The following TTC28 variants were observed in gnomAD, a reference collection of about 807,000 sequenced individuals.
TTC28 encodes the protein tetratricopeptide repeat protein 28.
In TTC28, 61 loss-of-function variants were observed where a neutral mutation model predicts 198.0. That is an observed-to-expected ratio of 0.31 (90% CI 0.25 to 0.38). The LOEUF (loss-of-function observed/expected upper bound fraction) is 0.38, where lower values mean the gene tolerates loss of function less well. Ranked by LOEUF, TTC28 falls within the 10% of genes least tolerant of loss-of-function variation. TTC28 has a pLI of 1.00. For missense variants in TTC28, 2,678 were observed against 3,164.0 expected, an observed-to-expected ratio of 0.85 and a Z score of 3.69; for synonymous variants, 1,171 against 1,297.8, an observed-to-expected ratio of 0.90 and a Z score of 2.10.
chr22:28,198,928 T>C lies in TTC28; in HGVS notation c.934-35329A>G, dbSNP rs1925631742. On this transcript the variant is annotated intron_variant, in intron 5 of 22. Transcript: ENST00000397906. ...TCACAGGCCACAAGTACCTGCAAAGTGGGGTGGGAAACAGTCTACTCATGA... is the reference window on the plus strand; with the variant it reads ...TCACAGGCCACAAGTACCTGCAAAGCGGGGTGGGAAACAGTCTACTCATGA... Among the ~76,000 whole-genome samples the C allele has an allele frequency of 2.0e-5, 3 of 152,010 alleles. No individual in the cohort carries two copies. The South Asian group carries it at 6.2e-4, about 32-fold the overall frequency.
intron 2 of TTC28, among the ~76,000 whole-genome samples, chr22:28,394,994 C>A (rs537572168): frequency 6.6e-6 from 1 of 152,222 alleles, no homozygotes; most frequent in South Asian, 2.1e-4. Context: ...ATTGTCTACA[C>A]AATGAATAAC....
intron 3 of TTC28, among the ~76,000 whole-genome samples, chr22:28,305,783 C>T (rs2045132723): frequency 6.6e-6 from 1 of 152,094 alleles, no homozygotes; most frequent in African/African-American, 2.4e-5. Flanking sequence ...CAAATCTTCC[C>T]AAGAATTCAT....
chr22:28,399,607 G>A (rs1460140988), intron 2 of TTC28, among the ~76,000 whole-genome samples: 1 of 152,074 alleles, frequency 6.6e-6, no homozygotes, highest in African/African-American at 2.4e-5. Flanking sequence ...GCCCAGCCTA[G>A]AAACTTGTAT....
intron 6 of TTC28, among the ~76,000 whole-genome samples, chr22:28,117,238 C>T (rs1019318222): frequency 7.2e-5 from 11 of 152,218 alleles, no homozygotes; most frequent in Non-Finnish European, 1.2e-4. Context: ...GGAGCTAAGG[C>T]AGGCTTAGAT....
At position 28,282,617 on chromosome 22, in the gene TTC28, C is replaced by T. The variant is rs1038521451; in HGVS notation, c.933+13581G>A. Reference sequence around the variant, plus strand: ...CTAACAATCATATAATCTGGTCTTCCTGTTTTACAGGTGATGAACTAGCAG... The same window carrying T: ...CTAACAATCATATAATCTGGTCTTCTTGTTTTACAGGTGATGAACTAGCAG... On this transcript the variant is annotated intron_variant, in intron 5 of 22. Coordinates refer to ENST00000397906, the MANE Select transcript of TTC28 (RefSeq NM_001145418.2). Among the ~76,000 whole-genome samples, 9 of 152,276 alleles carry T rather than the reference C, an allele frequency of 5.9e-5. No individual in the cohort carries two copies. The South Asian group carries it at 1.9e-3, about 32-fold the overall frequency.
At chr22:28,537,324 A>AAAATAAAATAAAATAAAATAAAATAAAAT (rs1569009223) in intron 2 of TTC28, among the ~76,000 whole-genome samples, 1 of 145,066 alleles carries the variant, frequency 6.9e-6, no homozygotes, top group Non-Finnish European at 1.6e-5. Context: ...AAAATAAAAT[A>AAAATAAAATAAAATAAAATAAAATAAAAT]AAATAAAATA....
At chr22:28,586,645 T>C (rs1035197798) in intron 2 of TTC28, among the ~76,000 whole-genome samples, 1 of 152,006 alleles carries the variant, frequency 6.6e-6, no homozygotes, top group Non-Finnish European at 1.5e-5. Context: ...GACTGATCTT[T>C]TGGCATAGTC....
intron 5 of TTC28, among the ~76,000 whole-genome samples, chr22:28,171,804 T>C (rs1226625405): frequency 1.3e-5 from 2 of 152,150 alleles, no homozygotes; most frequent in African/African-American, 4.8e-5. Context: ...GCTGCAGCAG[T>C]GTGCTTCTGG....
Position 27,998,787 on chromosome 22 carries a change from G to A in TTC28, c.4872C>T (p.Gly1624=). The part of the protein sequence containing the change: ...LQLPVKLVVL[G]SSQESNSKVT... ...CTTTGCTGTTGGACTCCTGGGAGGA[G>A]CCAAGCACCACCAGCTTCACAGGCA... The change falls in exon 16 of 23, where the codon GGC becomes GGT. Residue 1624 remains glycine (G), a synonymous_variant. Transcript: ENST00000397906. 1 of 1,550,648 alleles carries A rather than the reference G, an allele frequency of 6.4e-7. No homozygotes were observed. The highest frequency in any genetic ancestry group is 1.2e-5 in the South Asian group (1 of 84,068).
chr22:28,089,693 A>ACT (rs1941749519), intron 12 of TTC28, among the ~76,000 whole-genome samples: 1 of 150,002 alleles, frequency 6.7e-6, no homozygotes, highest in East Asian at 2.0e-4. Flanking sequence ...AATAAAATAA[A>ACT]AAATAAAAAA....
chr22:28,167,331 G>A (rs1333852054), intron 5 of TTC28, among the ~76,000 whole-genome samples: 2 of 152,234 alleles, frequency 1.3e-5, no homozygotes, highest in African/African-American at 4.8e-5. Context: ...TATGAGGCCA[G>A]CATTATCCTG....
intron 12 of TTC28, among the ~76,000 whole-genome samples, chr22:28,071,748 G>GAAAAAAAAAAAAAAAAGA (rs1940982521): frequency 7.7e-5 from 7 of 91,126 alleles, no homozygotes; most frequent in Non-Finnish European, 1.4e-4. Flanking sequence ...AAAAAAAAAG[G>GAAAAAAAAAAAAAAAAGA]AAAAAAAAAA....
chr22:28,323,135 T>TG (rs1394265200), intron 2 of TTC28, among the ~76,000 whole-genome samples: 1 of 152,192 alleles, frequency 6.6e-6, no homozygotes, highest in Admixed American at 6.5e-5. Context: ...CCTACCACGC[T>TG]GGGCAATCTC....
chr22:28,385,719 G>C (rs528647258), intron 2 of TTC28, among the ~76,000 whole-genome samples: 1 of 152,184 alleles, frequency 6.6e-6, no homozygotes, highest in South Asian at 2.1e-4. Context: ...TATAGGGAAT[G>C]AATCAAATTA....
intron 2 of TTC28, among the ~76,000 whole-genome samples, chr22:28,552,780 CCCCTCT>C (rs201313044): frequency 0.044 from 6,514 of 147,670 alleles, 204 homozygotes; most frequent in African/African-American, 0.084. Context: ...CCTCCCCCTC[CCCCTCT>C]CCCCACGGTC....
intron 12 of TTC28, among the ~76,000 whole-genome samples, chr22:28,085,976 A>G (rs570660153): frequency 6.6e-6 from 1 of 152,316 alleles, no homozygotes; most frequent in East Asian, 1.9e-4. Flanking sequence ...CCTAAAATAT[A>G]TATGCACCCA....
intron 2 of TTC28, among the ~76,000 whole-genome samples, chr22:28,567,479 C>CATATATATATAT (rs398040471): frequency 0.11 from 5,632 of 50,848 alleles, 781 homozygotes; most frequent in East Asian, 0.16. Flanking sequence ...TACATACATA[C>CATATATATATAT]ATATATATAT....
chr22:28,489,315 A>C (rs990615766), intron 2 of TTC28, among the ~76,000 whole-genome samples: 6 of 144,646 alleles, frequency 4.1e-5, no homozygotes, highest in South Asian at 4.5e-4. Flanking sequence ...AAAAAAAAAA[A>C]CACACACATT....
chr22:28,408,684 CG>C (rs2047036153), intron 2 of TTC28, among the ~76,000 whole-genome samples: 2 of 152,210 alleles, frequency 1.3e-5, no homozygotes, highest in African/African-American at 4.8e-5. Context: ...CCACTGCATC[CG>C]GCCCCAACTT....
Sources: allele counts gnomAD v4.1 joint callset (sites outside exome capture counted in the v4.1 genomes callset), GRCh38; gene constraint gnomAD v4.1.1; transcripts MANE v1.5; gene names NCBI Gene and HGNC (gene_info 2026-07-23, HGNC 2026-07-21).